Variants in AXDND1 observed in about 807,000 individuals in gnomAD.
AXDND1 encodes the protein axonemal dynein light chain domain-containing protein 1.
AXDND1 carries 110 observed loss-of-function variants against 137.5 expected under a neutral mutation model. The ratio of observed to expected loss-of-function variants is 0.80; its 90% CI spans 0.69 to 0.94. AXDND1 has a LOEUF of 0.94. Ranked by LOEUF, AXDND1 falls within the 40% of genes least tolerant of loss-of-function variation. AXDND1 has a pLI of 0.00. For missense variants in AXDND1, 1,191 were observed against 1,169.8 expected, an observed-to-expected ratio of 1.02 and a Z score of -0.26; for synonymous variants, 414 against 399.7, an observed-to-expected ratio of 1.04 and a Z score of -0.43.
intron 4 of AXDND1, 97 bp downstream of exon 4, chr1:179,370,175 G>C (rs541999364): frequency 1.1e-6 from 1 of 926,316 alleles, no homozygotes; most frequent in Non-Finnish European, 1.7e-6. Context: ...AAAAATCACT[G>C]AATCATAGAT....
intron 16 of AXDND1, 59 bp from the exon 17 acceptor site, chr1:179,468,384 T>C: frequency 1.7e-6 from 2 of 1,173,622 alleles, no homozygotes; most frequent in Non-Finnish European, 2.4e-6. Flanking sequence ...TATAATTTGG[T>C]ATTAAAATAG....
chr1:179,367,217 A>G (rs1010897022), intron 2 of AXDND1, among the ~76,000 whole-genome samples: 1 of 151,202 alleles, frequency 6.6e-6, no homozygotes, highest in Non-Finnish European at 1.5e-5. Flanking sequence ...GCAAGACCCC[A>G]TCTCAAAATA....
intron 11 of AXDND1, among the ~76,000 whole-genome samples, chr1:179,398,158 G>A (rs1218106375): frequency 6.6e-6 from 1 of 152,008 alleles, no homozygotes; most frequent in Non-Finnish European, 1.5e-5. Context: ...ATGTTTGGGT[G>A]TTTTTTTCCC....
chr1:179,380,066 G>A (rs1172846667), intron 6 of AXDND1, among the ~76,000 whole-genome samples: 8 of 151,872 alleles, frequency 5.3e-5, no homozygotes, highest in African/African-American at 1.2e-4. Context: ...TGGCTAACAC[G>A]GTGAAACTCC....
intron 9 of AXDND1, among the ~76,000 whole-genome samples, chr1:179,386,177 G>A (rs113497249): frequency 1.3e-5 from 2 of 149,198 alleles, no homozygotes; most frequent in East Asian, 2.0e-4. Flanking sequence ...TCAGCCTCCC[G>A]AGTAGCTGGG....
At chr1:179,447,086 C>T (rs1044739925) in intron 16 of AXDND1, among the ~76,000 whole-genome samples, 12 of 152,160 alleles carry the variant, frequency 7.9e-5, no homozygotes, top group Non-Finnish European at 2.9e-5. Context: ...CTTCTAGCTA[C>T]TTTGAAATAT....
intron 19 of AXDND1, among the ~76,000 whole-genome samples, chr1:179,492,002 T>G (rs1572065143): frequency 1.3e-5 from 2 of 152,310 alleles, no homozygotes; most frequent in Middle Eastern, 6.8e-3. Context: ...CTTGCATAAA[T>G]AAGACACATC....
chr1:179,370,209 A>G, intron 4 of AXDND1, 131 bp downstream of exon 4: 1 of 718,674 alleles, frequency 1.4e-6, no homozygotes, highest in Non-Finnish European at 2.3e-6. Flanking sequence ...GTATCTTTGA[A>G]TCAGAATACA....
At chr1:179,427,941 G>C (rs1656810035) in intron 12 of AXDND1, among the ~76,000 whole-genome samples, 1 of 124,810 alleles carries the variant, frequency 8.0e-6, no homozygotes, top group South Asian at 2.7e-4. Flanking sequence ...CCCAATGTAA[G>C]AGCAATCCAT....
chr1:179,459,934 T>G (rs921227888), intron 16 of AXDND1, among the ~76,000 whole-genome samples: 6 of 139,806 alleles, frequency 4.3e-5, no homozygotes, highest in African/African-American at 1.6e-4. Flanking sequence ...CCTTCCTTCC[T>G]TCTCTCTCTC....
At chr1:179,369,019 C>A (rs1460280018) in intron 3 of AXDND1, 47 bp downstream of exon 3, 1 of 1,496,402 alleles carries the variant, frequency 6.7e-7, no homozygotes, top group South Asian at 1.2e-5. Context: ...ATTTTTTGGG[C>A]ATCTGATTAT....
At chr1:179,391,643 T>C (rs1393594571) in intron 9 of AXDND1, among the ~76,000 whole-genome samples, 3 of 152,064 alleles carry the variant, frequency 2.0e-5, no homozygotes, top group African/African-American at 7.2e-5. Flanking sequence ...TTCAGGTGAT[T>C]CTCCTGCCTC....
At chr1:179,430,730 C>G (rs950436976) in intron 14 of AXDND1, 124 bp downstream of exon 14, 1 of 1,043,116 alleles carries the variant, frequency 9.6e-7, no homozygotes, top group African/African-American at 1.6e-5. Context: ...GGGGAGCAGT[C>G]CCTATGAAGG....
chr1:179,548,935 G>C (rs1672910644), intron 25 of AXDND1: 1 of 152,174 alleles, frequency 6.6e-6, no homozygotes, highest in South Asian at 2.1e-4. Context: ...ATTCAGGTCT[G>C]AATACACCAA....
chr1:179,393,598 T>C (rs899572690), intron 9 of AXDND1, among the ~76,000 whole-genome samples: 1 of 152,204 alleles, frequency 6.6e-6, no homozygotes, highest in African/African-American at 2.4e-5. Context: ...TACCCATCCA[T>C]GAACATGGGA....
chr1:179,551,275 CA>C lies in AXDND1; in HGVS notation c.3032-3236del, dbSNP rs1168903863. The C allele has an allele frequency of 6.2e-7, 1 of 1,614,062 alleles. No individual in the cohort carries two copies. The highest frequency in any genetic ancestry group is 2.2e-5 in the East Asian group (1 of 44,866). The stretch of plus-strand genomic sequence containing the variant: ...CCTGAGTTCTGTTGCTGGGAGAAGA[CA>C]GGCAATTCAGTAGGTCAAATGGCAA... On this transcript the variant is annotated intron_variant, in intron 25 of 25. Transcript: ENST00000367618.
chr1:179,501,992 A>G (rs1197937988), intron 20 of AXDND1, among the ~76,000 whole-genome samples: 1 of 152,198 alleles, frequency 6.6e-6, no homozygotes, highest in Non-Finnish European at 1.5e-5. Flanking sequence ...TTTTGTCAAG[A>G]AAATACCATT....
intron 16 of AXDND1, among the ~76,000 whole-genome samples, chr1:179,463,717 G>A (rs1251938559): frequency 2.6e-5 from 4 of 152,172 alleles, no homozygotes; most frequent in Admixed American, 2.0e-4. Flanking sequence ...TTGACAGTGG[G>A]GTGTTAAAGT....
intron 11 of AXDND1, among the ~76,000 whole-genome samples, chr1:179,396,434 G>A (rs1279253968): frequency 6.6e-6 from 1 of 152,100 alleles, no homozygotes; most frequent in East Asian, 1.9e-4. Context: ...TGGATGATGA[G>A]GTCAGGAGAT....
Sources: allele counts gnomAD v4.1 joint callset (sites outside exome capture counted in the v4.1 genomes callset), GRCh38; gene constraint gnomAD v4.1.1; transcripts MANE v1.5; gene names NCBI Gene and HGNC (gene_info 2026-07-23, HGNC 2026-07-21).